Variants in WDTC1 observed in about 807,000 individuals in gnomAD.
WDTC1 encodes the protein WD and tetratricopeptide repeats protein 1.
In WDTC1, 12 loss-of-function variants were observed where a neutral mutation model predicts 76.0. The observed-to-expected ratio is 0.16, with a 90% CI of 0.10 to 0.26. WDTC1 has a LOEUF of 0.26. Among genes scored for constraint, WDTC1 ranks in the 10% least tolerant of loss-of-function variants. The pLI, the probability that WDTC1 is intolerant of heterozygous loss-of-function variation, is 1.00. For missense variants in WDTC1, 511 were observed against 908.8 expected (o/e 0.56, Z 5.63); for synonymous variants, 326 against 350.8 (o/e 0.93, Z 0.79).
chr1:27,250,139 A>G (rs2011989742), intron 1 of WDTC1, among the ~76,000 whole-genome samples: 1 of 152,088 alleles, frequency 6.6e-6, no homozygotes, highest in East Asian at 1.9e-4. Flanking sequence ...TTTAGCTAAC[A>G]TTTGTTGAGC....
Position 27,303,723 on chromosome 1 carries a change from A to G in WDTC1, c.1571A>G (p.Tyr524Cys), listed in dbSNP as rs756772525. 5 of 1,614,136 alleles carry G rather than the reference A, an allele frequency of 3.1e-6. No individual in the cohort carries two copies. In the East Asian group the frequency reaches 8.9e-5, roughly 29 times the overall value. ...EDEMVLRERS[Y>C]DYQFRYCGHC... The stretch of plus-strand genomic sequence containing the variant: ...GAAATGGTGCTGCGGGAGCGAAGCT[A>G]CGACTATCAGTTCCGCTACTGCGGC... The change falls in exon 14 of 16, where the codon TAC becomes TGC. Residue 524 changes from tyrosine to cysteine, a missense_variant. Coordinates refer to ENST00000319394, the MANE Select transcript of WDTC1 (RefSeq NM_001276252.2). The surrounding 1 kb of genome is among the most constrained non-coding windows in gnomAD (Gnocchi z 4.8).
chr1:27,263,084 A>G, intron 2 of WDTC1, 68 bp from the exon 3 acceptor site: 7 of 1,556,908 alleles, frequency 4.5e-6, no homozygotes, highest in East Asian at 2.3e-5. Context: ...AGCTGGATAT[A>G]TAATAGGCAC....
chr1:27,248,440 A>G (rs1004013520), intron 1 of WDTC1, among the ~76,000 whole-genome samples: 1 of 152,054 alleles, frequency 6.6e-6, no homozygotes, highest in Non-Finnish European at 1.5e-5. Flanking sequence ...TGTTGGCCAC[A>G]TGTATGTCTT....
chr1:27,303,517 C>T lies in WDTC1; in HGVS notation c.1469-104C>T. ...AGGATAAGGGTGGAGGCAGGTAGCT[C>T]TATGTTGTCAGACTTTGGACTGAAA... On this transcript the variant is annotated intron_variant, in intron 13 of 15. Transcript: ENST00000319394. This position sits in a 1 kb window ranked among gnomAD's most constrained non-coding sequence, Gnocchi z 4.8. The T allele has an allele frequency of 7.1e-7, 1 of 1,405,538 alleles. No homozygotes were observed. The highest frequency in any genetic ancestry group is 9.4e-7 in the Non-Finnish European group (1 of 1,058,896). 87.1% of individuals were successfully genotyped at this position (1,405,538 alleles called of 1,614,324 possible).
rs762954715 is a variant in WDTC1, at chr1:27,303,599, T to C, written c.1469-22T>C. 2 of 1,569,428 alleles carry C rather than the reference T, an allele frequency of 1.3e-6. No individual in the cohort carries two copies. Among genetic ancestry groups the C allele is most frequent in the Non-Finnish European group, 1.7e-6 (2 of 1,163,916 alleles). On this transcript the variant is annotated intron_variant, in intron 13 of 15. Transcript: ENST00000319394. This position sits in a 1 kb window ranked among gnomAD's most constrained non-coding sequence, Gnocchi z 4.8. ...GAGAGAAAGGAACAAGGCGCTTACCTTTTCTGGATCTCTGCCCCCAGAGGA... is the reference window on the plus strand; with the variant it reads ...GAGAGAAAGGAACAAGGCGCTTACCCTTTCTGGATCTCTGCCCCCAGAGGA...
intron 1 of WDTC1, among the ~76,000 whole-genome samples, chr1:27,249,425 A>C (rs2011962280): frequency 6.6e-6 from 1 of 152,128 alleles, no homozygotes. Flanking sequence ...CACTTGGCAT[A>C]ATATTTTTAG....
At chr1:27,235,611 C>A (rs1032280029) in intron 1 of WDTC1, among the ~76,000 whole-genome samples, 1 of 151,962 alleles carries the variant, frequency 6.6e-6, no homozygotes, top group African/African-American at 2.4e-5. Context: ...GACTGCGAAC[C>A]AGCAGGATCC....
chr1:27,270,320 T>C (rs771150146), intron 3 of WDTC1, among the ~76,000 whole-genome samples: 36 of 152,206 alleles, frequency 2.4e-4, no homozygotes, highest in Non-Finnish European at 8.8e-5. Context: ...TAAGAGGTTA[T>C]GACAGTGATT....
intron 3 of WDTC1, among the ~76,000 whole-genome samples, chr1:27,263,624 C>T (rs897533467): frequency 4.6e-5 from 7 of 151,912 alleles, no homozygotes; most frequent in Non-Finnish European, 8.8e-5. Flanking sequence ...TTAGTAGAGA[C>T]GGGGTTTCAC....
intron 1 of WDTC1, among the ~76,000 whole-genome samples, chr1:27,250,221 G>C (rs574132626): frequency 6.6e-6 from 1 of 152,126 alleles, no homozygotes; most frequent in African/African-American, 2.4e-5. Flanking sequence ...GAGTCTCTCT[G>C]TATCCTCTAG....
chr1:27,295,587 T>C (rs2013662319), intron 9 of WDTC1, among the ~76,000 whole-genome samples: 1 of 151,842 alleles, frequency 6.6e-6, no homozygotes, highest in Non-Finnish European at 1.5e-5. Flanking sequence ...GCCTTCCAAG[T>C]AGCTGGGATT....
intron 3 of WDTC1, among the ~76,000 whole-genome samples, chr1:27,269,371 C>A (rs11589265): frequency 1.1e-4 from 17 of 149,206 alleles, no homozygotes; most frequent in Non-Finnish European, 1.8e-4. Flanking sequence ...ACAGTAAATT[C>A]GTTAGGCTAA....
Position 27,297,986 on chromosome 1 carries a change from C to T in WDTC1, c.1107C>T (p.Ala369=). Residue 369 remains alanine (A), a synonymous_variant, in exon 12 of 16, where the codon GCC becomes GCT. Coordinates refer to ENST00000319394, the MANE Select transcript of WDTC1 (RefSeq NM_001276252.2). ...ACCTGGAGCGTGTGAAACAGCAAGC[C>T]AATGAGGCTTTTGCCTGCCAGCAGT... is the stretch of plus-strand genomic sequence containing the variant. ...PPYLERVKQQ[A]NEAFACQQWT... 3 of 1,614,056 alleles carry T rather than the reference C, an allele frequency of 1.9e-6. No homozygotes were observed. The highest frequency in any genetic ancestry group is 2.5e-6 in the Non-Finnish European group (3 of 1,179,946).
chr1:27,238,374 A>G (rs896768364), intron 1 of WDTC1, among the ~76,000 whole-genome samples: 1 of 152,238 alleles, frequency 6.6e-6, no homozygotes, highest in African/African-American at 2.4e-5. Context: ...AAGAAGGTAG[A>G]CTTTGGTTTG....
At chr1:27,242,133 C>A (rs1182446976) in intron 1 of WDTC1, among the ~76,000 whole-genome samples, 1 of 151,972 alleles carries the variant, frequency 6.6e-6, no homozygotes, top group South Asian at 2.1e-4. Flanking sequence ...CTCCAGTGAT[C>A]CTCCTGCCTT....
chr1:27,300,433 T>C (rs1306805646), intron 12 of WDTC1, among the ~76,000 whole-genome samples: 2 of 152,072 alleles, frequency 1.3e-5, no homozygotes, highest in Non-Finnish European at 2.9e-5. Flanking sequence ...GTATGCTTCC[T>C]ATATTCTGGC....
At chr1:27,250,553 AT>A (rs2012013228) in intron 1 of WDTC1, among the ~76,000 whole-genome samples, 1 of 152,212 alleles carries the variant, frequency 6.6e-6, no homozygotes, top group African/African-American at 2.4e-5. Context: ...AACTCAGAAA[AT>A]TTAAGTAACT....
intron 3 of WDTC1, among the ~76,000 whole-genome samples, chr1:27,267,390 C>G (rs1179543088): frequency 6.6e-6 from 1 of 151,970 alleles, no homozygotes; most frequent in African/African-American, 2.4e-5. Context: ...GGATTACAGG[C>G]GTGTGCCACC....
intron 3 of WDTC1, among the ~76,000 whole-genome samples, chr1:27,270,918 A>G (rs1463931560): frequency 6.6e-6 from 1 of 152,146 alleles, no homozygotes; most frequent in East Asian, 1.9e-4. Flanking sequence ...TATCATTCTA[A>G]CTAGTGAAAA....
Sources: allele counts gnomAD v4.1 joint callset (sites outside exome capture counted in the v4.1 genomes callset), GRCh38; gene constraint gnomAD v4.1.1; non-coding constraint Gnocchi (gnomAD v3.1); transcripts MANE v1.5; gene names NCBI Gene and HGNC (gene_info 2026-07-23, HGNC 2026-07-21).